The following MECOM variants were observed in gnomAD, a reference collection of about 807,000 sequenced individuals.
MECOM encodes the protein MDS1 and EVI1 complex locus.
In MECOM, 13 loss-of-function variants were observed where a neutral mutation model predicts 116.3. The observed-to-expected ratio is 0.11, with a 90% CI of 0.07 to 0.18. MECOM has a LOEUF of 0.18. Ranked by LOEUF, MECOM falls within the 10% of genes least tolerant of loss-of-function variation. MECOM has a pLI of 1.00. For missense variants in MECOM, 1,299 were observed against 1,509.0 expected, an observed-to-expected ratio of 0.86 and a Z score of 2.31; for synonymous variants, 528 against 535.2, an observed-to-expected ratio of 0.99 and a Z score of 0.19.
At chr3:169,468,368 C>G (rs1003857220) in intron 1 of MECOM, among the ~76,000 whole-genome samples, 1 of 152,126 alleles carries the variant, frequency 6.6e-6, no homozygotes, top group African/African-American at 2.4e-5. Context: ...TGTACAAACA[C>G]GTACTTAATT....
intron 2 of MECOM, among the ~76,000 whole-genome samples, chr3:169,373,193 T>A (rs535423731): frequency 9.2e-5 from 14 of 152,036 alleles, no homozygotes; most frequent in Non-Finnish European, 1.6e-4. Context: ...GAGGTGGCAA[T>A]TGCTGCCAAA....
At chr3:169,139,431 A>G in intron 3 of MECOM, among the ~76,000 whole-genome samples, 1 of 151,984 alleles carries the variant, frequency 6.6e-6, no homozygotes, top group Admixed American at 6.6e-5. Flanking sequence ...ATACACACAC[A>G]CTTACATATA....
chr3:169,472,677 G>A (rs767067230), intron 1 of MECOM, among the ~76,000 whole-genome samples: 1 of 77,896 alleles, frequency 1.3e-5, no homozygotes, highest in African/African-American at 4.8e-5. Context: ...GGAAAGGAGA[G>A]GAGAGGAAAG....
chr3:169,278,567 G>A (rs1759894442), intron 2 of MECOM, among the ~76,000 whole-genome samples: 1 of 152,180 alleles, frequency 6.6e-6, no homozygotes, highest in South Asian at 2.1e-4. Flanking sequence ...GCTAAGGATG[G>A]TTTCCAAAGG....
chr3:169,155,211 T>C lies in MECOM; in HGVS notation c.376-11379A>G, dbSNP rs77390602. Among the ~76,000 whole-genome samples the C allele has an allele frequency of 6.4e-4, 98 of 152,336 alleles. No individual in the cohort carries two copies. The East Asian group carries it at 0.017, about 27-fold the overall frequency. On this transcript the variant is annotated intron_variant, in intron 2 of 16. Transcript: ENST00000651503. ...AACACTATTCCCCCTTAGGAATCAG[T>C]TGATGCAGTGATGATTCTTTTTCAG...
intron 2 of MECOM, among the ~76,000 whole-genome samples, chr3:169,315,226 G>A (rs147333349): frequency 4.9e-4 from 75 of 152,316 alleles, no homozygotes; most frequent in African/African-American, 1.7e-3. Flanking sequence ...GAGGGCAACT[G>A]AGAAGGGCGG....
At position 169,147,731 on chromosome 3, in the gene MECOM, T is replaced by TGC. The variant is rs1009927242; in HGVS notation, c.376-3900_376-3899insGC. 17 of 979,686 alleles carry TGC rather than the reference T, an allele frequency of 1.7e-5. No homozygotes were observed. The South Asian group carries it at 1.9e-4, about 11-fold the overall frequency. The allele number at this position is 979,686 out of a possible 1,614,324, so 60.7% of individuals were successfully genotyped here. A position where few individuals can be genotyped will look rare whatever the true frequency, so the allele number is the denominator to read the frequency against. On this transcript the variant is annotated intron_variant, in intron 2 of 16. Coordinates refer to ENST00000651503, the MANE Select transcript of MECOM (RefSeq NM_004991.4). ...CACAAGTGTGGTGTGTGTGTGTGTG[T>TGC]GTGCGCGCGAGTGTGTGTGTGCATG...
At chr3:169,277,540 C>T (rs1172758007) in intron 2 of MECOM, among the ~76,000 whole-genome samples, 1 of 152,134 alleles carries the variant, frequency 6.6e-6, no homozygotes, top group Non-Finnish European at 1.5e-5. Flanking sequence ...CATCACTCTC[C>T]CAGTTGAGCA....
chr3:169,480,287 C>A (rs1751090976), intron 1 of MECOM, among the ~76,000 whole-genome samples: 2 of 152,192 alleles, frequency 1.3e-5, no homozygotes, highest in South Asian at 4.1e-4. Flanking sequence ...AAGCATTGGG[C>A]TCTACCTGCT....
At chr3:169,163,367 G>A (rs1162241165) in intron 2 of MECOM, among the ~76,000 whole-genome samples, 1 of 152,156 alleles carries the variant, frequency 6.6e-6, no homozygotes, top group Non-Finnish European at 1.5e-5. Context: ...TGTGGCAAGT[G>A]TATTGGGGTA....
intron 1 of MECOM, among the ~76,000 whole-genome samples, chr3:169,518,056 G>T (rs879364842): frequency 6.6e-6 from 1 of 152,134 alleles, no homozygotes. Context: ...TCAGGAGATC[G>T]AGACCATCCT....
At chr3:169,442,280 C>T (rs887016681) in intron 1 of MECOM, among the ~76,000 whole-genome samples, 2 of 152,120 alleles carry the variant, frequency 1.3e-5, no homozygotes, top group Non-Finnish European at 2.9e-5. Flanking sequence ...AGGCTGGTCT[C>T]GAACTCCTGA....
chr3:169,497,220 A>G (rs1753915050), intron 1 of MECOM, among the ~76,000 whole-genome samples: 3 of 151,954 alleles, frequency 2.0e-5, no homozygotes, highest in Non-Finnish European at 1.5e-5. Flanking sequence ...TTCTTACCTT[A>G]TTATATTGTT....
intron 1 of MECOM, among the ~76,000 whole-genome samples, chr3:169,417,850 C>T (rs962005644): frequency 5.3e-5 from 8 of 151,814 alleles, no homozygotes; most frequent in African/African-American, 1.7e-4. Context: ...AGCAAACTAT[C>T]GCAAGAACAA....
intron 2 of MECOM, among the ~76,000 whole-genome samples, chr3:169,333,455 G>A (rs1577745741): frequency 1.3e-5 from 2 of 152,142 alleles, no homozygotes; most frequent in Middle Eastern, 3.4e-3. Flanking sequence ...TTTTCGTTTG[G>A]CCAGTTGCTT....
intron 2 of MECOM, among the ~76,000 whole-genome samples, chr3:169,312,878 A>G (rs926729780): frequency 1.3e-5 from 2 of 152,182 alleles, no homozygotes; most frequent in Non-Finnish European, 2.9e-5. Context: ...GGATAGAGAT[A>G]TAAATTTAGG....
At chr3:169,272,248 C>T (rs964179787) in intron 2 of MECOM, among the ~76,000 whole-genome samples, 2 of 152,076 alleles carry the variant, frequency 1.3e-5, no homozygotes, top group Non-Finnish European at 2.9e-5. Context: ...CAGAGTAGGA[C>T]CCAGAGACTA....
At chr3:169,652,037 T>C (rs1015725165) in intron 1 of MECOM, among the ~76,000 whole-genome samples, 1 of 152,148 alleles carries the variant, frequency 6.6e-6, no homozygotes, top group African/African-American at 2.4e-5. Flanking sequence ...TGAAAAAAGA[T>C]TGATAAAAAC....
At chr3:169,604,508 C>T (rs1198996192) in intron 1 of MECOM, among the ~76,000 whole-genome samples, 1 of 152,182 alleles carries the variant, frequency 6.6e-6, no homozygotes, top group African/African-American at 2.4e-5. Flanking sequence ...CCTGTGGAAG[C>T]AGCTAGGCAG....
Sources: gnomAD v4.1 joint callset for allele counts (sites outside exome capture counted in the v4.1 genomes callset) on GRCh38, gnomAD v4.1.1 for gene constraint, MANE v1.5 for transcripts, NCBI Gene and HGNC (gene_info 2026-07-23, HGNC 2026-07-21) for gene names.